The following TMC3 variants were observed in gnomAD, a reference collection of about 807,000 sequenced individuals.
TMC3 encodes the protein transmembrane channel-like protein 3.
A neutral mutation model predicts 110.6 loss-of-function variants in TMC3; 98 were observed. The observed-to-expected ratio is 0.89, with a 90% CI of 0.75 to 1.05. The LOEUF (loss-of-function observed/expected upper bound fraction) is 1.05, where lower values mean the gene tolerates loss of function less well. Ranked by LOEUF, TMC3 falls within the 50% of genes least tolerant of loss-of-function variation. The probability of loss-of-function intolerance (pLI) is 0.00; values close to 1 mark genes in which losing one functional copy is unlikely to be tolerated. For synonymous variants in TMC3, 489 were observed against 513.1 expected, an observed-to-expected ratio of 0.95 and a Z score of 0.63; for missense variants, 1,319 against 1,373.2, an observed-to-expected ratio of 0.96 and a Z score of 0.62.
chr15:81,351,673 G>T (rs1207125317), intron 10 of TMC3, 21 bp downstream of exon 10: 4 of 1,551,930 alleles, frequency 2.6e-6, no homozygotes, highest in South Asian at 2.4e-5. Context: ...CTAGGGTGCT[G>T]CAGGTAATGG....
chr15:81,341,943 G>A (rs1426482870), intron 15 of TMC3, among the ~76,000 whole-genome samples: 2 of 152,198 alleles, frequency 1.3e-5, no homozygotes, highest in Non-Finnish European at 2.9e-5. Context: ...ATGGCATTAA[G>A]CATCCTCACA....
intron 7 of TMC3, among the ~76,000 whole-genome samples, chr15:81,357,938 T>C (rs997778254): frequency 1.3e-5 from 2 of 152,232 alleles, no homozygotes; most frequent in African/African-American, 4.8e-5. Context: ...GCCTTGGTTC[T>C]TCTCATCTGT....
rs536477892 is a variant in TMC3 at position 81,337,892 on chromosome 15, C to A, written c.2114G>T (p.Arg705Leu). 2 of 1,613,978 alleles carry A rather than the reference C, an allele frequency of 1.2e-6. No individual in the cohort carries two copies. Among genetic ancestry groups the A allele is most frequent in the South Asian group, 1.1e-5 (1 of 91,080 alleles). The change falls in exon 19 of 22, where the codon CGG becomes CTG. Residue 705 changes from arginine to leucine, a missense_variant. Transcript: ENST00000359440. ...MLIYYLQSIA[R>L]SLKLSNHQLK... ...CTGGTGGTTGCTGAGCTTTAGAGAC[C>A]GTGCGATGCTCTGGAGATAATAGAT...
chr15:81,344,341 C>T (rs921014799), intron 13 of TMC3, among the ~76,000 whole-genome samples: 4 of 152,192 alleles, frequency 2.6e-5, no homozygotes, highest in Admixed American at 6.5e-5. Flanking sequence ...GCAGGAGACT[C>T]GAGGCCAGTG....
intron 9 of TMC3, among the ~76,000 whole-genome samples, chr15:81,355,141 G>A (rs980738900): frequency 6.6e-6 from 1 of 152,082 alleles, no homozygotes; most frequent in Non-Finnish European, 1.5e-5. Context: ...CAAGTCCTCC[G>A]AATGGGCTTT....
At chr15:81,338,216 A>G (rs1000177469) in intron 18 of TMC3, among the ~76,000 whole-genome samples, 9 of 152,200 alleles carry the variant, frequency 5.9e-5, no homozygotes, top group African/African-American at 2.2e-4. Context: ...GAAATTTTGC[A>G]GTCTATCAAG....
Position 81,332,321 on chromosome 15 carries a change from A to G in TMC3, c.*98T>C. 6.9e-7 allele frequency: 1 copy of G among 1,451,424 alleles called. No homozygotes were observed. The highest frequency in any genetic ancestry group is 1.4e-5 in the African/African-American group (1 of 70,220). The allele number at this position is 1,451,424 out of a possible 1,614,324, so 89.9% of individuals were successfully genotyped here. On this transcript the variant is annotated 3_prime_UTR_variant, in exon 22 of 22. Coordinates refer to ENST00000359440, the MANE Select transcript of TMC3 (RefSeq NM_001080532.3). ...TGACCATGCCCCTCAGGTCTCTAACACACTTGTTCACCTCTTTTTCCAGAA... is the reference window on the plus strand; with the variant it reads ...TGACCATGCCCCTCAGGTCTCTAACGCACTTGTTCACCTCTTTTTCCAGAA...
Position 81,332,083 on chromosome 15 carries a change from T to A in TMC3, c.*336A>T, listed in dbSNP as rs1435678990. ...CTTTTCAGTAAACTTTCATGCCTGC[T>A]CTAAAACTTGCCTCAGTCTCTCCTT... On this transcript the variant is annotated 3_prime_UTR_variant, in exon 22 of 22. Coordinates refer to ENST00000359440, the MANE Select transcript of TMC3 (RefSeq NM_001080532.3). 1 of 247,562 alleles carries A rather than the reference T, an allele frequency of 4.0e-6. No individual in the cohort carries two copies. 15.3% of individuals were successfully genotyped at this position (247,562 alleles called of 1,614,324 possible).
At chr15:81,352,474 G>T (rs1893971874) in intron 9 of TMC3, among the ~76,000 whole-genome samples, 1 of 152,180 alleles carries the variant, frequency 6.6e-6, no homozygotes, top group Non-Finnish European at 1.5e-5. Flanking sequence ...ACTGCCAGTT[G>T]TATAAAAGTA....
At chr15:81,345,663 A>C (rs2141701550) in intron 12 of TMC3, among the ~76,000 whole-genome samples, 1 of 152,254 alleles carries the variant, frequency 6.6e-6, no homozygotes, top group Middle Eastern at 3.4e-3. Flanking sequence ...TGAGCCCAAG[A>C]GTTTGAGACC....
At chr15:81,339,322 A>C in intron 17 of TMC3, 72 bp downstream of exon 17, 1 of 1,133,862 alleles carries the variant, frequency 8.8e-7, no homozygotes, top group East Asian at 2.6e-5. Flanking sequence ...CTTGGAGGAG[A>C]ATTCAGTTCA....
intron 15 of TMC3, 38 bp from the exon 16 acceptor site, chr15:81,341,556 T>A (rs1359066929): frequency 1.9e-6 from 3 of 1,590,458 alleles, no homozygotes; most frequent in Non-Finnish European, 1.7e-6. Context: ...ATCTGTTCTC[T>A]TTCAGCCTAT....
chr15:81,358,247 C>T lies in TMC3; in HGVS notation c.645G>A (p.Arg215=). ...AGCCAGCTCTCCCGATCTTCCTCTC[C>T]CTGCCGTAATATCCGTAGAAGAGGA... is the stretch of plus-strand genomic sequence containing the variant. ...YSVLFYGYYG[R]ERKIGRAGYR... is the part of the protein sequence containing the mutation. Residue 215 remains arginine (R), a synonymous_variant, in exon 7 of 22, where the codon AGG becomes AGA. Coordinates refer to ENST00000359440, the MANE Select transcript of TMC3 (RefSeq NM_001080532.3). 6.2e-7 allele frequency: 1 copy of T among 1,613,422 alleles called. No individual in the cohort carries two copies. Among genetic ancestry groups the T allele is most frequent in the Non-Finnish European group, 8.5e-7 (1 of 1,179,640 alleles).
intron 20 of TMC3, chr15:81,335,606 C>G (rs1893576404): frequency 6.5e-6 from 1 of 152,676 alleles, no homozygotes; most frequent in Non-Finnish European, 1.5e-5. Flanking sequence ...AGAGGTCTTG[C>G]TCAGACATTT....
intron 10 of TMC3, 104 bp downstream of exon 10, chr15:81,351,590 G>T: frequency 7.1e-7 from 1 of 1,413,432 alleles, no homozygotes; most frequent in Non-Finnish European, 9.6e-7. Context: ...GACCTCAAGT[G>T]ATCCACCTGC....
chr15:81,368,809 C>A (rs7163563), intron 2 of TMC3, among the ~76,000 whole-genome samples: 1 of 151,962 alleles, frequency 6.6e-6, no homozygotes, highest in African/African-American at 2.4e-5. Context: ...TCTACATAGA[C>A]ATGAACAATC....
intron 2 of TMC3, among the ~76,000 whole-genome samples, chr15:81,370,053 G>A (rs928062723): frequency 6.6e-6 from 1 of 152,180 alleles, no homozygotes; most frequent in Non-Finnish European, 1.5e-5. Context: ...CTATGACAGA[G>A]GGGTGATTGG....
chr15:81,333,112 T>C lies in TMC3; in HGVS notation c.2610A>G (p.Pro870=), dbSNP rs1462935596. ...FQQINPPHRG[P]QASTLLAQGP... The stretch of plus-strand genomic sequence containing the variant: ...CCTGTGCCAGCAAAGTCGAGGCCTG[T>C]GGTCCACGGTGAGGAGGGTTGATTT... Residue 870 remains proline (P), a synonymous_variant, in exon 22 of 22, where the codon CCA becomes CCG. Coordinates refer to ENST00000359440, the MANE Select transcript of TMC3 (RefSeq NM_001080532.3). The C allele has an allele frequency of 6.2e-6, 10 of 1,613,928 alleles. No individual in the cohort carries two copies. Among genetic ancestry groups the C allele is most frequent in the Non-Finnish European group, 8.5e-6 (10 of 1,179,904 alleles).
At chr15:81,359,590 T>C (rs752762187) in intron 4 of TMC3, 119 bp from the exon 5 acceptor site, 152 of 644,744 alleles carry the variant, frequency 2.4e-4, no homozygotes, top group Middle Eastern at 4.2e-4. Flanking sequence ...AGAATGCCAT[T>C]ATTGTACCAA....
Sources: allele counts gnomAD v4.1 joint callset (sites outside exome capture counted in the v4.1 genomes callset), GRCh38; gene constraint gnomAD v4.1.1; transcripts MANE v1.5; gene names NCBI Gene and HGNC (gene_info 2026-07-23, HGNC 2026-07-21).